Variants in PAK3 observed in about 807,000 individuals in gnomAD.
PAK3 encodes the protein serine/threonine-protein kinase PAK 3.
In PAK3, 4 loss-of-function variants were observed where a neutral mutation model predicts 41.0. That is an observed-to-expected ratio of 0.10 (90% CI 0.05 to 0.22). The LOEUF (loss-of-function observed/expected upper bound fraction) is 0.22, where lower values mean the gene tolerates loss of function less well. Among genes scored for constraint, PAK3 ranks in the 10% least tolerant of loss-of-function variants. PAK3 has a pLI of 1.00. For missense variants in PAK3, 205 were observed against 409.9 expected (o/e 0.50, Z 4.32); for synonymous variants, 146 against 139.6 (o/e 1.05, Z -0.32).
At chrX:111,067,338 G>A (rs1027322092) in intron 1 of PAK3, among the ~76,000 whole-genome samples, 7 of 110,663 alleles carry the variant, frequency 6.3e-5, no homozygotes, top group African/African-American at 1.6e-4. Flanking sequence ...ATTTTATATC[G>A]TTTAATCCTT....
chrX:111,088,235 A>G (rs2148852108), intron 1 of PAK3, among the ~76,000 whole-genome samples: 1 of 111,537 alleles, frequency 9.0e-6, no homozygotes, highest in South Asian at 3.8e-4. Flanking sequence ...AACCTTCCCA[A>G]TTACCCTAAG....
intron 1 of PAK3, among the ~76,000 whole-genome samples, chrX:110,964,806 G>A (rs1052997542): frequency 8.9e-6 from 1 of 112,264 alleles, no homozygotes; most frequent in Admixed American, 9.4e-5. Flanking sequence ...GTGTTCTAAG[G>A]CAAGATGGGG....
At chrX:111,056,907 C>CTT (rs200062533) in intron 1 of PAK3, among the ~76,000 whole-genome samples, 1 of 111,646 alleles carries the variant, frequency 9.0e-6, no homozygotes, top group African/African-American at 3.3e-5. Flanking sequence ...AATGTCCCCC[C>CTT]TTTTTTTACT....
At chrX:111,017,648 A>G (rs1024719914) in intron 1 of PAK3, among the ~76,000 whole-genome samples, 1 of 111,856 alleles carries the variant, frequency 8.9e-6, no homozygotes, top group African/African-American at 3.2e-5. Flanking sequence ...TTCACCTCTA[A>G]TTTCCACAAA....
At chrX:111,025,123 T>C (rs2092250096) in intron 1 of PAK3, among the ~76,000 whole-genome samples, 1 of 110,751 alleles carries the variant, frequency 9.0e-6, no homozygotes, top group African/African-American at 3.3e-5. Context: ...ACACAACCTA[T>C]GAAAACCTCT....
At chrX:110,957,376 C>A (rs1308024729) in intron 1 of PAK3, among the ~76,000 whole-genome samples, 1 of 111,924 alleles carries the variant, frequency 8.9e-6, no homozygotes, top group Non-Finnish European at 1.9e-5. Context: ...ATATTTTTTT[C>A]TCATTTAATC....
intron 1 of PAK3, among the ~76,000 whole-genome samples, chrX:111,013,203 A>T (rs2092037261): frequency 8.9e-6 from 1 of 112,594 alleles, no homozygotes; most frequent in Non-Finnish European, 1.9e-5. Context: ...TTCATTTCAC[A>T]ATCCAATTCT....
chrX:111,016,659 G>A (rs928696909), intron 1 of PAK3, among the ~76,000 whole-genome samples: 66 of 106,115 alleles, frequency 6.2e-4, no homozygotes, highest in African/African-American at 2.2e-3. Flanking sequence ...CTATTCAGTA[G>A]ACTCTTTTTG....
chrX:111,023,232 T>G (rs189672925), intron 1 of PAK3, among the ~76,000 whole-genome samples: 7 of 112,134 alleles, frequency 6.2e-5, no homozygotes, highest in Non-Finnish European at 9.4e-5. Flanking sequence ...CATCCTTTTT[T>G]ATGGCTGCAT....
At chrX:111,202,615 A>C (rs1019600585) in intron 16 of PAK3, among the ~76,000 whole-genome samples, 2 of 112,168 alleles carry the variant, frequency 1.8e-5, no homozygotes, top group African/African-American at 6.5e-5. Context: ...AACTGTTATT[A>C]TAATAACTTG....
chrX:111,208,960 C>A (rs2094788152), intron 16 of PAK3, among the ~76,000 whole-genome samples: 1 of 101,571 alleles, frequency 9.8e-6, no homozygotes, highest in South Asian at 4.1e-4. Flanking sequence ...TGTGTGTGTA[C>A]TAGACAGTGG....
chrX:111,178,980 T>TATATAGAGAGAGAGAG (rs1211051270), intron 11 of PAK3, among the ~76,000 whole-genome samples: 214 of 91,588 alleles, frequency 2.3e-3, no homozygotes, highest in African/African-American at 8.2e-3. Context: ...TATATATATA[T>TATATAGAGAGAGAGAG]AGAGAGAGAG....
chrX:110,997,869 A>C (rs1018420638), intron 1 of PAK3, among the ~76,000 whole-genome samples: 7 of 111,077 alleles, frequency 6.3e-5, no homozygotes, highest in Non-Finnish European at 1.1e-4. Context: ...GAGAGTGACC[A>C]TTCACTCCTT....
At chrX:111,056,004 C>T (rs973765116) in intron 1 of PAK3, among the ~76,000 whole-genome samples, 1 of 110,931 alleles carries the variant, frequency 9.0e-6, no homozygotes, top group African/African-American at 3.3e-5. Flanking sequence ...CCTGTTATTC[C>T]CTTTCTCTCT....
At chrX:111,164,532 C>T (rs1005357743) in intron 10 of PAK3, among the ~76,000 whole-genome samples, 1 of 111,100 alleles carries the variant, frequency 9.0e-6, no homozygotes, top group Non-Finnish European at 1.9e-5. Context: ...TTCCTTACCA[C>T]TTTTACTGGA....
chrX:111,009,781 T>C (rs1341769830), intron 1 of PAK3, among the ~76,000 whole-genome samples: 1 of 112,324 alleles, frequency 8.9e-6, no homozygotes, highest in African/African-American at 3.2e-5. Flanking sequence ...TGCCAAGCAC[T>C]GCGCTAAATG....
At position 110,966,209 on chromosome X, in the gene PAK3, C is replaced by T. The variant is rs753355695; in HGVS notation, c.-28+21581C>T. Among the ~76,000 whole-genome samples, 3 of 111,601 alleles carry T rather than the reference C, an allele frequency of 2.7e-5. No individual in the cohort carries two copies. The East Asian group carries it at 8.4e-4, about 31-fold the overall frequency. Reference sequence around the variant, plus strand: ...GAAAGAGTAATAGTCTTTCTTGGCCCCAGGGCTCCAGTTCCATTCATTCAT... The same window carrying T: ...GAAAGAGTAATAGTCTTTCTTGGCCTCAGGGCTCCAGTTCCATTCATTCAT... On this transcript the variant is annotated intron_variant, in intron 1 of 14. Coordinates refer to the PAK3 transcript ENST00000425146.
chrX:111,147,808 A>G lies in PAK3; in HGVS notation c.348A>G (p.Pro116=). 4 of 1,196,572 alleles carry G rather than the reference A, an allele frequency of 3.3e-6. No individual in the cohort carries two copies. The highest frequency in any genetic ancestry group is 4.5e-6 in the Non-Finnish European group (4 of 881,492). Residue 116 remains proline, a synonymous_variant, in exon 7 of 18, where the codon CCA becomes CCG. Coordinates refer to ENST00000372007, the MANE Select transcript of PAK3 (RefSeq NM_002578.5). The part of the protein sequence containing the change: ...NITKLEQKKN[P]QAVLDVLKFY... The stretch of plus-strand genomic sequence containing the variant: ...CAAAATTGGAACAGAAGAAGAACCC[A>G]CAAGCTGTTCTAGATGTTCTCAAAT...
rs2093572932 is a variant in PAK3 at position 111,121,696 on chromosome X, C to T, written c.-27-1381C>T. 2.7e-5 allele frequency among the ~76,000 whole-genome samples: 3 copies of T among 111,462 alleles called. No individual in the cohort carries two copies. The South Asian group carries it at 1.1e-3, about 42-fold the overall frequency. ...GAGTTGTAATGTTCCTAAATTAGTA[C>T]CAGGTAATACTTGATAAGTTTACAG... On this transcript the variant is annotated intron_variant, in intron 4 of 17. Coordinates refer to ENST00000372007, the MANE Select transcript of PAK3 (RefSeq NM_002578.5).
Sources: gnomAD v4.1 joint callset for allele counts (sites outside exome capture counted in the v4.1 genomes callset) on GRCh38, gnomAD v4.1.1 for gene constraint, MANE v1.5 for transcripts, NCBI Gene and HGNC (gene_info 2026-07-23, HGNC 2026-07-21) for gene names.